Variants in MMP26 observed in about 807,000 individuals in gnomAD.
MMP26 encodes the protein matrix metalloproteinase-26.
Under a neutral mutation model 31.0 loss-of-function variants are expected in MMP26, and 33 were observed. That is an observed-to-expected ratio of 1.06 (90% CI 0.81 to 1.42). The LOEUF (loss-of-function observed/expected upper bound fraction) is 1.42, where lower values mean the gene tolerates loss of function less well. Among genes scored for constraint, MMP26 ranks in the 40% most tolerant of loss-of-function variants. The probability of loss-of-function intolerance (pLI) is 0.00; values close to 1 mark genes in which losing one functional copy is unlikely to be tolerated. For synonymous variants in MMP26, 122 were observed against 114.9 expected, an observed-to-expected ratio of 1.06 and a Z score of -0.40; for missense variants, 347 against 316.1, an observed-to-expected ratio of 1.10 and a Z score of -0.74.
intron 2 of MMP26, chr11:4,915,393 A>T: frequency 6.2e-7 from 1 of 1,614,032 alleles, no homozygotes. Flanking sequence ...GCTCCAACCC[A>T]AAAGATGCCC....
intron 2 of MMP26, among the ~76,000 whole-genome samples, chr11:4,980,857 A>T (rs1388420472): frequency 6.6e-6 from 1 of 150,552 alleles, no homozygotes; most frequent in African/African-American, 2.5e-5. Flanking sequence ...TTTTAATGAG[A>T]AGTACAATGA....
At chr11:4,966,639 AAGAG>A (rs927600035) in intron 2 of MMP26, among the ~76,000 whole-genome samples, 97 of 152,296 alleles carry the variant, frequency 6.4e-4, no homozygotes, top group African/African-American at 2.3e-3. Flanking sequence ...TCAAGGAAAT[AAGAG>A]AGATTCTTCT....
At chr11:4,986,707 AT>A (rs71050444) in intron 2 of MMP26, among the ~76,000 whole-genome samples, 6,733 of 150,116 alleles carry the variant, frequency 0.045, 215 homozygotes, top group Non-Finnish European at 0.068. Flanking sequence ...ATTTTTTTGT[AT>A]TTTTAGTAGA....
At chr11:4,732,091 G>A (rs140323361) in intron 1 of MMP26, among the ~76,000 whole-genome samples, 2 of 152,304 alleles carry the variant, frequency 1.3e-5, no homozygotes, top group East Asian at 3.9e-4. Flanking sequence ...TAGTGGAGCA[G>A]TAAAATGACT....
At chr11:4,855,448 G>A (rs907040862) in intron 2 of MMP26, among the ~76,000 whole-genome samples, 2 of 152,120 alleles carry the variant, frequency 1.3e-5, no homozygotes, top group African/African-American at 2.4e-5. Flanking sequence ...TAGACGATTC[G>A]ATCAAGTGGA....
intron 1 of MMP26, among the ~76,000 whole-genome samples, chr11:4,761,091 C>A (rs542832560): frequency 6.6e-6 from 1 of 151,998 alleles, no homozygotes; most frequent in African/African-American, 2.4e-5. Context: ...AGGTCAGGGA[C>A]CAAGGGTAAG....
intron 1 of MMP26, among the ~76,000 whole-genome samples, chr11:4,754,985 T>C (rs1036565827): frequency 6.6e-6 from 1 of 151,990 alleles, no homozygotes; most frequent in Non-Finnish European, 1.5e-5. Context: ...GCTCTATAGA[T>C]CTATAGATTT....
chr11:4,991,228 C>A, intron 5 of MMP26, 143 bp from the exon 6 acceptor site: 2 of 1,045,964 alleles, frequency 1.9e-6, no homozygotes, highest in East Asian at 2.5e-5. Flanking sequence ...TATTTCTCTG[C>A]ATAGATAATG....
rs141615466 is a variant in MMP26, at chr11:4,749,810, C to A, written c.-216-17460C>A. ...TGGAATAAAGACTCAAATGTAAGACCTGAATTTATAAAAACACTAGAAGAA... is the reference window on the plus strand; with the variant it reads ...TGGAATAAAGACTCAAATGTAAGACATGAATTTATAAAAACACTAGAAGAA... On this transcript the variant is annotated intron_variant, in intron 1 of 7. Transcript: ENST00000380390. Among the ~76,000 whole-genome samples, 459 of 152,194 alleles carry A rather than the reference C, an allele frequency of 3.0e-3. 1 individual carries two copies. The highest frequency in any genetic ancestry group is 9.6e-3 in the African/African-American group (401 of 41,572).
chr11:4,759,749 G>A (rs115286015), intron 1 of MMP26, among the ~76,000 whole-genome samples: 6 of 152,222 alleles, frequency 3.9e-5, no homozygotes, highest in South Asian at 4.1e-4. Flanking sequence ...GTTTTCCAAC[G>A]TAGTGTTTCT....
At chr11:4,916,598 C>A (rs1166027584) in intron 2 of MMP26, among the ~76,000 whole-genome samples, 2 of 152,108 alleles carry the variant, frequency 1.3e-5, no homozygotes, top group East Asian at 1.9e-4. Context: ...ACAGACCAAC[C>A]CTTCACTCAC....
intron 2 of MMP26, among the ~76,000 whole-genome samples, chr11:4,911,234 G>C (rs1214881916): frequency 6.6e-6 from 1 of 152,076 alleles, no homozygotes; most frequent in Non-Finnish European, 1.5e-5. Context: ...GCAAATAATG[G>C]ACTTTGTTAT....
chr11:4,986,230 T>C (rs1335792702), intron 2 of MMP26, among the ~76,000 whole-genome samples: 1 of 152,220 alleles, frequency 6.6e-6, no homozygotes, highest in African/African-American at 2.4e-5. Flanking sequence ...ATTTTTATAC[T>C]ATATTTTAAT....
chr11:4,886,443 C>T (rs1176213085), intron 2 of MMP26, among the ~76,000 whole-genome samples: 1 of 152,064 alleles, frequency 6.6e-6, no homozygotes, highest in Admixed American at 6.6e-5. Flanking sequence ...ACTGTTAATT[C>T]CGGTAAACAT....
rs569809172 is a variant in MMP26, at chr11:4,782,908, A to G, written c.-145+15567A>G. On this transcript the variant is annotated intron_variant, in intron 2 of 7. Transcript: ENST00000380390. ...TGAGCTTGCAAGTGCACAGAAGTTA[A>G]GAACTGAGGTTTGAGAACCTCTGCC... Among the ~76,000 whole-genome samples, 5 of 152,354 alleles carry G rather than the reference A, an allele frequency of 3.3e-5. No individual in the cohort carries two copies. In the East Asian group the frequency reaches 9.6e-4, roughly 29 times the overall value.
chr11:4,915,102 C>G (rs1473555714), intron 2 of MMP26: 1 of 1,614,106 alleles, frequency 6.2e-7, no homozygotes, highest in Non-Finnish European at 8.5e-7. Flanking sequence ...TTCATCACTT[C>G]TTGGTGGAGA....
chr11:4,848,794 G>T, intron 2 of MMP26: 1 of 1,614,148 alleles, frequency 6.2e-7, no homozygotes, highest in Non-Finnish European at 8.5e-7. Flanking sequence ...GCTGGGTAGT[G>T]GAGAGGTCGG....
At chr11:4,962,469 A>G (rs895069499) in intron 2 of MMP26, among the ~76,000 whole-genome samples, 8 of 152,164 alleles carry the variant, frequency 5.3e-5, no homozygotes, top group African/African-American at 1.9e-4. Context: ...CTGGGTTAGG[A>G]CAGATGATAG....
intron 2 of MMP26, among the ~76,000 whole-genome samples, chr11:4,838,315 TAAAAAAAAAAAAAAAAAAAAAAAA>T (rs540572047): frequency 0.081 from 2,212 of 27,452 alleles, 129 homozygotes; most frequent in African/African-American, 0.13. Context: ...AGACTCTGTC[TAAAAAAAAAAAAAAAAAAAAAAAA>T]AAAAAAAAAA....
Sources: gnomAD v4.1 joint callset for allele counts (sites outside exome capture counted in the v4.1 genomes callset) on GRCh38, gnomAD v4.1.1 for gene constraint, MANE v1.5 for transcripts, NCBI Gene and HGNC (gene_info 2026-07-23, HGNC 2026-07-21) for gene names.